Variants in APPL2 observed in about 807,000 individuals in gnomAD.
APPL2 encodes the protein adaptor protein, phosphotyrosine interacting with PH domain and leucine zipper 2.
A neutral mutation model predicts 92.7 loss-of-function variants in APPL2; 84 were observed. The observed-to-expected ratio is 0.91, with a 90% CI of 0.76 to 1.09. The LOEUF (loss-of-function observed/expected upper bound fraction) is 1.09, where lower values mean the gene tolerates loss of function less well. APPL2 is among the 50% of genes least tolerant of loss of function. The pLI is 0.00. For synonymous variants in APPL2, 291 were observed against 291.0 expected (o/e 1.00, Z 0.00); for missense variants, 736 against 824.5 (o/e 0.89, Z 1.31).
intron 1 of APPL2, among the ~76,000 whole-genome samples, chr12:105,232,429 GACT>G (rs1054636449): frequency 2.3e-4 from 35 of 152,252 alleles, no homozygotes; most frequent in African/African-American, 7.5e-4. Flanking sequence ...TAACACCACT[GACT>G]ACTGAGAAAA....
chr12:105,217,082 T>C lies in APPL2; in HGVS notation c.272A>G (p.Lys91Arg). 4 of 1,609,094 alleles carry C rather than the reference T, an allele frequency of 2.5e-6. No individual in the cohort carries two copies. The highest frequency in any genetic ancestry group is 3.4e-6 in the Non-Finnish European group (4 of 1,176,462). ...TTGCTATCTTACCTCATCCACCACT[T>C]TGGAAAAATAGTGGAGTGTTGAAAT... Reference protein sequence around the residue: ...EVISTLHYFSKVVDELNLLHT... With the variant: ...EVISTLHYFSRVVDELNLLHT... Residue 91 changes from lysine (K) to arginine (R), a missense_variant, in exon 4 of 21, where the codon AAA (lysine) becomes AGA (arginine). Transcript: ENST00000258530.
At chr12:105,232,211 T>C (rs1216007196) in intron 1 of APPL2, among the ~76,000 whole-genome samples, 1 of 152,208 alleles carries the variant, frequency 6.6e-6, no homozygotes, top group East Asian at 1.9e-4. Context: ...AAAGTAACAG[T>C]AGCAGATTCA....
At chr12:105,206,407 T>G (rs1888705702) in intron 8 of APPL2, among the ~76,000 whole-genome samples, 1 of 151,970 alleles carries the variant, frequency 6.6e-6, no homozygotes, top group African/African-American at 2.4e-5. Context: ...AAACGCAGGA[T>G]GGGGTGGAAA....
intron 2 of APPL2, among the ~76,000 whole-genome samples, chr12:105,220,055 A>G (rs11112413): frequency 0.12 from 18,835 of 152,224 alleles, 1,332 homozygotes; most frequent in East Asian, 0.28. Flanking sequence ...TATTTTATAG[A>G]TGAAGAAACT....
At chr12:105,220,717 T>G (rs1278699995) in intron 2 of APPL2, among the ~76,000 whole-genome samples, 1 of 152,104 alleles carries the variant, frequency 6.6e-6, no homozygotes, top group Non-Finnish European at 1.5e-5. Context: ...CCGAATGTAA[T>G]GGAAAGACCT....
At chr12:105,222,467 C>T (rs2440706) in intron 2 of APPL2, among the ~76,000 whole-genome samples, 102,654 of 151,500 alleles carry the variant, frequency 0.68, 35,212 homozygotes, top group African/African-American at 0.78. Context: ...GTGAGGAAGG[C>T]GGGGGAGTCA....
rs543071722 is a variant in APPL2 at position 105,223,275 on chromosome 12, CGTT to C, written c.154-5553_154-5551del. On this transcript the variant is annotated intron_variant, in intron 2 of 20. Transcript: ENST00000258530. The stretch of plus-strand genomic sequence containing the variant: ...ACTCTGCACAGTAACAACAGGCAAA[CGTT>C]GTTTCGAATAAAGACCCAGAGTCTG... 3.5e-3 allele frequency among the ~76,000 whole-genome samples: 532 copies of C among 152,212 alleles called. 2 individuals are homozygous for C. The highest frequency in any genetic ancestry group is 5.9e-3 in the Non-Finnish European group (403 of 68,012).
chr12:105,209,207 C>T (rs1338458910), intron 5 of APPL2, among the ~76,000 whole-genome samples: 4 of 151,994 alleles, frequency 2.6e-5, no homozygotes, highest in East Asian at 1.9e-4. Context: ...GAATAAAGGC[C>T]GAGAAATGTA....
At chr12:105,222,881 T>C (rs1890211011) in intron 2 of APPL2, among the ~76,000 whole-genome samples, 1 of 152,162 alleles carries the variant, frequency 6.6e-6, no homozygotes, top group South Asian at 2.1e-4. Context: ...CAGAGAAACT[T>C]TGTCAGGCTT....
intron 1 of APPL2, among the ~76,000 whole-genome samples, chr12:105,231,596 T>A (rs532027311): frequency 6.6e-6 from 1 of 152,274 alleles, no homozygotes; most frequent in East Asian, 1.9e-4. Context: ...ACCAGCAGGG[T>A]GGCTCTCATC....
intron 20 of APPL2, 115 bp downstream of exon 20, chr12:105,175,920 C>A: frequency 9.6e-7 from 1 of 1,045,188 alleles, no homozygotes. Context: ...AAAGGAAATC[C>A]CAAACTTGGC....
chr12:105,195,202 G>A (rs775775868), intron 14 of APPL2, 59 bp downstream of exon 14: 10 of 1,513,958 alleles, frequency 6.6e-6, no homozygotes, highest in Admixed American at 1.7e-5. Flanking sequence ...AACTCATTTC[G>A]TATTCCTAAT....
At chr12:105,203,676 C>T (rs1888426952) in intron 9 of APPL2, 27 bp downstream of exon 9, 2 of 1,611,308 alleles carry the variant, frequency 1.2e-6, no homozygotes, top group South Asian at 1.1e-5. Context: ...AAGGGGCACA[C>T]AAGACCCGGC....
Position 105,195,520 on chromosome 12 carries a change from A to G in APPL2, c.1096-19T>C, listed in dbSNP as rs1305688234. The G allele has an allele frequency of 1.9e-6, 3 of 1,614,122 alleles. No individual in the cohort carries two copies. Among genetic ancestry groups the G allele is most frequent in the Non-Finnish European group, 2.5e-6 (3 of 1,180,044 alleles). ...ATATCCACTGTAGAGGACATTAAAAAAGAACACTGAATCCCAAAGTCACCC... is the reference window on the plus strand; with the variant it reads ...ATATCCACTGTAGAGGACATTAAAAGAGAACACTGAATCCCAAAGTCACCC... On this transcript the variant is annotated intron_variant, in intron 12 of 20. Coordinates refer to ENST00000258530, the MANE Select transcript of APPL2 (RefSeq NM_018171.5).
In APPL2 at chr12:105,176,989, C is replaced by A; in HGVS notation, c.1699G>T (p.Ala567Ser). 1 of 1,614,032 alleles carries A rather than the reference C, an allele frequency of 6.2e-7. No individual in the cohort carries two copies. Among genetic ancestry groups the A allele is most frequent in the Non-Finnish European group, 8.5e-7 (1 of 1,180,008 alleles). ...AGTCTCTTGTTTTCTTGATGAGCAG[C>A]AAATTGTGTGACACTGGTAAGTTCA... ...NFELTSVTQF[A>S]AHQENKRLVG... Residue 567 changes from alanine to serine, a missense_variant, in exon 19 of 21, where the codon GCT becomes TCT. Ala to Ser is a moderately conservative substitution (Grantham distance 99). Transcript: ENST00000258530.
chr12:105,230,949 G>A (rs1890877496), intron 1 of APPL2, among the ~76,000 whole-genome samples: 2 of 152,222 alleles, frequency 1.3e-5, no homozygotes, highest in South Asian at 4.1e-4. Context: ...TGTTAGAAGA[G>A]CTCTCTGAAC....
intron 16 of APPL2, among the ~76,000 whole-genome samples, chr12:105,188,954 C>A (rs1886961634): frequency 6.6e-6 from 1 of 152,206 alleles, no homozygotes; most frequent in African/African-American, 2.4e-5. Context: ...TGGCTGCTGA[C>A]AGTGGCGCAT....
chr12:105,189,923 G>A (rs1887051189), intron 15 of APPL2, 68 bp downstream of exon 15: 15 of 1,610,260 alleles, frequency 9.3e-6, no homozygotes, highest in Non-Finnish European at 6.8e-6. Context: ...CTTTGGTGGT[G>A]GAGGGGGACA....
intron 17 of APPL2, among the ~76,000 whole-genome samples, chr12:105,177,819 G>A (rs946994619): frequency 6.6e-6 from 1 of 152,186 alleles, no homozygotes; most frequent in African/African-American, 2.4e-5. Flanking sequence ...TCTGAGAAGA[G>A]TCTTGCTGTC....
Sources: gnomAD v4.1 joint callset for allele counts (sites outside exome capture counted in the v4.1 genomes callset) on GRCh38, gnomAD v4.1.1 for gene constraint, MANE v1.5 for transcripts, NCBI Gene and HGNC (gene_info 2026-07-23, HGNC 2026-07-21) for gene names.